CATSPERD: variants seen among roughly 807,000 people sequenced by gnomAD.
CATSPERD encodes cation channel sperm-associated auxiliary subunit delta.
In CATSPERD, 86 loss-of-function variants were observed where a neutral mutation model predicts 98.1. That is an observed-to-expected ratio of 0.88 (90% CI 0.74 to 1.05). The LOEUF is 1.05. Ranked by LOEUF, CATSPERD falls within the 50% of genes least tolerant of loss-of-function variation. CATSPERD has a pLI of 0.00. For missense variants in CATSPERD, 995 were observed against 1,005.7 expected (o/e 0.99, Z 0.14); for synonymous variants, 394 against 390.2 (o/e 1.01, Z -0.12).
At chr19:5,725,680 T>A (rs970211234) in intron 2 of CATSPERD, among the ~76,000 whole-genome samples, 1 of 152,008 alleles carries the variant, frequency 6.6e-6, no homozygotes, top group African/African-American at 2.4e-5. Flanking sequence ...GGCGGGCGGA[T>A]CCCTGAGGTC....
chr19:5,763,683 C>G (rs1200862622), intron 16 of CATSPERD, among the ~76,000 whole-genome samples: 1 of 151,888 alleles, frequency 6.6e-6, no homozygotes, highest in Non-Finnish European at 1.5e-5. Context: ...CAGGCAGTCA[C>G]CATGTTGGCC....
At chr19:5,762,059 T>TATATATATATATATA (rs1491269022) in intron 15 of CATSPERD, among the ~76,000 whole-genome samples, 314 of 18,192 alleles carry the variant, frequency 0.017, 2 homozygotes, top group Non-Finnish European at 0.024. Context: ...TATATATATA[T>TATATATATATATATA]TTTTTTTTTT....
chr19:5,720,718 G>A lies in CATSPERD; in HGVS notation c.-20G>A, dbSNP rs1177936668. On this transcript the variant is annotated 5_prime_UTR_variant, in exon 1 of 22. Coordinates refer to ENST00000381624, the MANE Select transcript of CATSPERD (RefSeq NM_152784.4). ...CCCGTGGCGGTTGAGGGGCAGTGGT[G>A]GCGGCGGAAGCCCAAGTCGATGCTG... 6.9e-6 allele frequency: 11 copies of A among 1,604,620 alleles called. No homozygotes were observed. Among genetic ancestry groups the A allele is most frequent in the Non-Finnish European group, 9.3e-6 (11 of 1,178,872 alleles).
rs185384410 is a variant in CATSPERD, at chr19:5,755,635, T to C, written c.1278+1390T>C. ...AAACATAAAAATTATTAGCCGGGTG[T>C]GGTGGCGCATGCCTGTAATCCCAGC... On this transcript the variant is annotated intron_variant, in intron 13 of 21. Coordinates refer to ENST00000381624, the MANE Select transcript of CATSPERD (RefSeq NM_152784.4). Among the ~76,000 whole-genome samples, 374 of 151,922 alleles carry C rather than the reference T, an allele frequency of 2.5e-3. 2 individuals carry two copies. Among genetic ancestry groups the C allele is most frequent in the African/African-American group, 8.5e-3 (351 of 41,440 alleles).
Position 5,747,700 on chromosome 19 carries a change from C to T in CATSPERD, c.809-460C>T, listed in dbSNP as rs182993269. On this transcript the variant is annotated intron_variant, in intron 9 of 21. Coordinates refer to ENST00000381624, the MANE Select transcript of CATSPERD (RefSeq NM_152784.4). ...CAATCTCGGCTCACTGCAACCTCCA[C>T]CTCTGGGTTCAAGCAATTCTCCTGC... Among the ~76,000 whole-genome samples the T allele has an allele frequency of 4.7e-5, 7 of 149,566 alleles. No individual in the cohort carries two copies. The East Asian group carries it at 7.9e-4, about 17-fold the overall frequency.
At chr19:5,736,138 C>A (rs1489911053) in intron 5 of CATSPERD, among the ~76,000 whole-genome samples, 2 of 151,454 alleles carry the variant, frequency 1.3e-5, no homozygotes, top group East Asian at 4.0e-4. Context: ...TCTTGAACTC[C>A]CGACCTCAGG....
intron 13 of CATSPERD, among the ~76,000 whole-genome samples, chr19:5,755,105 A>G (rs1353841784): frequency 3.3e-5 from 5 of 151,834 alleles, no homozygotes; most frequent in East Asian, 1.9e-4. Context: ...CGGACTCCCA[A>G]AGTGCTGGGA....
At position 5,751,358 on chromosome 19, in the gene CATSPERD, A is replaced by C. The variant is rs553364713; in HGVS notation, c.988-289A>C. ...GCTAACACAGTGAAACCCTGTCCCT[A>C]CTAAAAAATACAAAGAAAAAAAAAA... On this transcript the variant is annotated intron_variant, in intron 11 of 21. Transcript: ENST00000381624. 1.1e-4 allele frequency among the ~76,000 whole-genome samples: 16 copies of C among 150,430 alleles called. 1 individual carries two copies. The highest frequency in any genetic ancestry group is 3.9e-4 in the African/African-American group (16 of 41,048).
At chr19:5,752,641 A>G (rs1307592793) in intron 12 of CATSPERD, among the ~76,000 whole-genome samples, 1 of 152,126 alleles carries the variant, frequency 6.6e-6, no homozygotes, top group Non-Finnish European at 1.5e-5. Flanking sequence ...CAGAAATACA[A>G]AAGACAGAGG....
chr19:5,744,347 T>C (rs2056054808), intron 7 of CATSPERD, 80 bp from the exon 8 acceptor site: 3 of 1,183,314 alleles, frequency 2.5e-6, no homozygotes, highest in Non-Finnish European at 3.7e-6. Flanking sequence ...TTGTAACTTA[T>C]TAGATAATCT....
chr19:5,763,839 T>C (rs547748374), intron 16 of CATSPERD, among the ~76,000 whole-genome samples: 44 of 134,672 alleles, frequency 3.3e-4, no homozygotes, highest in Non-Finnish European at 5.5e-4. Flanking sequence ...CAGGCTGGTC[T>C]TGAACTCCTT....
intron 8 of CATSPERD, 105 bp downstream of exon 8, chr19:5,744,615 T>C (rs572286598): frequency 2.7e-6 from 2 of 741,894 alleles, no homozygotes; most frequent in African/African-American, 3.7e-5. Flanking sequence ...ATTTAATTTT[T>C]TTTTAGACAG....
At chr19:5,777,246 G>A (rs979675818) in intron 21 of CATSPERD, among the ~76,000 whole-genome samples, 7 of 151,832 alleles carry the variant, frequency 4.6e-5, no homozygotes, top group African/African-American at 1.7e-4. Context: ...AGAGGCCCCA[G>A]ACTAGGAGGA....
At chr19:5,726,354 G>A (rs535214122) in intron 2 of CATSPERD, among the ~76,000 whole-genome samples, 5 of 152,028 alleles carry the variant, frequency 3.3e-5, no homozygotes, top group Non-Finnish European at 7.4e-5. Flanking sequence ...GTGAGCCACT[G>A]TGTTTGGCCT....
At chr19:5,732,257 C>T (rs1368332329) in intron 4 of CATSPERD, among the ~76,000 whole-genome samples, 3 of 152,106 alleles carry the variant, frequency 2.0e-5, no homozygotes, top group Non-Finnish European at 4.4e-5. Context: ...AGGCATGAGC[C>T]ACCACGCCCA....
chr19:5,749,554 T>C (rs1186227480), intron 11 of CATSPERD, among the ~76,000 whole-genome samples: 1 of 152,134 alleles, frequency 6.6e-6, no homozygotes, highest in East Asian at 1.9e-4. Flanking sequence ...CTCTAGTTAG[T>C]AAAACAACAA....
At position 5,772,849 on chromosome 19, in the gene CATSPERD, G is replaced by C; in HGVS notation, c.1825G>C (p.Gly609Arg). Residue 609 changes from glycine (G) to arginine (R), a missense_variant, in exon 20 of 22, where the codon GGG (glycine) becomes CGG (arginine). By Grantham distance (125) the Gly-to-Arg change is moderately radical (BLOSUM62 -2). This residue lies in a region of CATSPERD where 762 missense variants were observed against 773.7 expected (regional missense o/e 0.98). Coordinates refer to ENST00000381624, the MANE Select transcript of CATSPERD (RefSeq NM_152784.4). ...DAEYVLLEVN[G>R]QFSYSYSLTA... ...CGAGTATGTGTTACTGGAGGTGAAC[G>C]GGCAGTTCTCATACTCCTATTCCCT... is the stretch of plus-strand genomic sequence containing the variant. 6.2e-7 allele frequency: 1 copy of C among 1,614,046 alleles called. No homozygotes were observed. The highest frequency in any genetic ancestry group is 2.2e-5 in the East Asian group (1 of 44,872).
intron 3 of CATSPERD, among the ~76,000 whole-genome samples, chr19:5,728,268 G>C (rs2055645129): frequency 6.9e-6 from 1 of 145,508 alleles, no homozygotes; most frequent in Non-Finnish European, 1.5e-5. Flanking sequence ...TGAGGCAGGA[G>C]AATCACTTGA....
chr19:5,760,219 T>C (rs985664982), intron 15 of CATSPERD, among the ~76,000 whole-genome samples: 9 of 149,658 alleles, frequency 6.0e-5, no homozygotes, highest in African/African-American at 2.2e-4. Context: ...GCCAACATGG[T>C]GAAACTCTGT....
Sources: gnomAD v4.1 joint callset for allele counts (sites outside exome capture counted in the v4.1 genomes callset) on GRCh38, gnomAD v4.1.1 for gene constraint, gnomAD v4.1.1 regional missense constraint, MANE v1.5 for transcripts, NCBI Gene and HGNC (gene_info 2026-07-23, HGNC 2026-07-21) for gene names.